SATL1: variants seen among roughly 807,000 people sequenced by gnomAD.
The protein encoded by SATL1 is spermidine/spermine N(1)-acetyltransferase-like protein 1.
SATL1 carries 47 observed loss-of-function variants against 51.8 expected under a neutral mutation model. The ratio of observed to expected loss-of-function variants is 0.91; its 90% confidence interval spans 0.72 to 1.16. SATL1 has a LOEUF of 1.16. SATL1 is among the 50% of genes most tolerant of loss of function. The pLI is 0.00. For missense variants in SATL1, 520 were observed against 526.4 expected (o/e 0.99, Z 0.12); for synonymous variants, 176 against 182.4 (o/e 0.97, Z 0.28).
At chrX:85,133,448 C>A (rs1925867232) in intron 2 of SATL1, among the ~76,000 whole-genome samples, 1 of 112,320 alleles carries the variant, frequency 8.9e-6, no homozygotes, top group Admixed American at 9.4e-5. Flanking sequence ...GGTGTGGGAC[C>A]CGCTGAGCCA....
At chrX:85,092,711 G>C in intron 7 of SATL1, 150 bp from the exon 8 acceptor site, 1 of 514,464 alleles carries the variant, frequency 1.9e-6, no homozygotes, top group Non-Finnish European at 3.0e-6. Context: ...CTTTTCTATA[G>C]CTGTAAAAAG....
At chrX:85,240,718 A>AT (rs1350670074) in intron 1 of SATL1, among the ~76,000 whole-genome samples, 1 of 110,075 alleles carries the variant, frequency 9.1e-6, no homozygotes, top group Non-Finnish European at 1.9e-5. Flanking sequence ...CAACTCATGA[A>AT]TTTTTATATA....
chrX:85,223,775 G>T (rs1471945764), intron 2 of SATL1, among the ~76,000 whole-genome samples: 2 of 111,603 alleles, frequency 1.8e-5, no homozygotes, highest in African/African-American at 6.5e-5. Flanking sequence ...TTACAGGCAG[G>T]AGCTTTCCAC....
chrX:85,181,755 C>G (rs1927208425), intron 2 of SATL1, among the ~76,000 whole-genome samples: 1 of 111,465 alleles, frequency 9.0e-6, no homozygotes. Flanking sequence ...GGAATGTGAG[C>G]CATCTCTGTC....
intron 1 of SATL1, among the ~76,000 whole-genome samples, chrX:85,236,226 T>C (rs766509078): frequency 3.6e-5 from 4 of 111,170 alleles, no homozygotes; most frequent in Non-Finnish European, 5.7e-5. Context: ...TGGGACCCTA[T>C]GGCTTCACTG....
chrX:85,096,560 A>G (rs1924727608), intron 4 of SATL1, among the ~76,000 whole-genome samples: 1 of 111,676 alleles, frequency 9.0e-6, no homozygotes, highest in Non-Finnish European at 1.9e-5. Flanking sequence ...AACAAACTCT[A>G]ACTAGGATAC....
In SATL1 at chrX:85,108,894, G is replaced by C. The variant is rs1293524489; in HGVS notation, c.75C>G (p.Asn25Lys). The C allele has an allele frequency of 1.7e-6, 2 of 1,209,744 alleles. No homozygotes were observed. Among genetic ancestry groups the C allele is most frequent in the Admixed American group, 4.4e-5 (2 of 45,730 alleles). The change falls in exon 3 of 8, where the codon AAC (asparagine) becomes AAG (lysine). Residue 25 changes from asparagine (N) to lysine (K), a missense_variant. Asn to Lys is a moderately conservative substitution (Grantham distance 94, BLOSUM62 0). Transcript: ENST00000644105. ...TGTCCATTTGGTTCATACCAAGTGA[G>C]TTTGTGCTTGGCTGGTTTATGCCTG... ...NQAGINQPST[N>K]SLGMNQMDMN...
intron 1 of SATL1, among the ~76,000 whole-genome samples, chrX:85,238,603 G>C (rs764621868): frequency 2.3e-4 from 26 of 111,195 alleles, no homozygotes; most frequent in Non-Finnish European, 3.4e-4. Flanking sequence ...ATAGTGAATG[G>C]GTACAAAAAA....
chrX:85,121,485 T>TAAA (rs1925507743), intron 2 of SATL1, among the ~76,000 whole-genome samples: 1 of 104,525 alleles, frequency 9.6e-6, no homozygotes, highest in Non-Finnish European at 1.9e-5. Flanking sequence ...GTATATCTAT[T>TAAA]TCTTGTTAGT....
intron 1 of SATL1, among the ~76,000 whole-genome samples, chrX:85,236,376 A>C: frequency 9.0e-6 from 1 of 111,605 alleles, no homozygotes; most frequent in East Asian, 2.8e-4. Flanking sequence ...CCAAAGACAT[A>C]TCAAAAAAGT....
chrX:85,233,810 A>C (rs1230717782), intron 1 of SATL1, among the ~76,000 whole-genome samples: 1 of 111,598 alleles, frequency 9.0e-6, no homozygotes, highest in African/African-American at 3.3e-5. Context: ...AGCCTCAATA[A>C]GGGCAAATCT....
chrX:85,119,209 A>G (rs1394497510), intron 2 of SATL1, among the ~76,000 whole-genome samples: 4 of 111,624 alleles, frequency 3.6e-5, no homozygotes, highest in Admixed American at 9.6e-5. Context: ...AGCTCCTGTC[A>G]CTGTTGTCCT....
At chrX:85,094,800 G>C in intron 5 of SATL1, 116 bp downstream of exon 5, 2 of 482,375 alleles carry the variant, frequency 4.1e-6, no homozygotes, top group Non-Finnish European at 7.1e-6. Flanking sequence ...TAAAAAAACT[G>C]GGTTTATACA....
intron 2 of SATL1, among the ~76,000 whole-genome samples, chrX:85,167,780 T>C (rs1433388311): frequency 9.0e-6 from 1 of 111,079 alleles, no homozygotes; most frequent in African/African-American, 3.3e-5. Context: ...ACTCATTCTA[T>C]GAGGCTAGCA....
At chrX:85,151,480 T>G (rs1229940775) in intron 2 of SATL1, among the ~76,000 whole-genome samples, 1 of 111,550 alleles carries the variant, frequency 9.0e-6, no homozygotes, top group South Asian at 3.8e-4. Context: ...AAAGTTCATA[T>G]GGAACCAAAA....
At chrX:85,221,891 T>G (rs756705106) in intron 2 of SATL1, among the ~76,000 whole-genome samples, 25 of 112,110 alleles carry the variant, frequency 2.2e-4, no homozygotes, top group Non-Finnish European at 3.8e-4. Flanking sequence ...TCTAACTGGC[T>G]CCTATCAGTC....
At chrX:85,191,810 T>A (rs1190598609) in intron 2 of SATL1, among the ~76,000 whole-genome samples, 1 of 111,687 alleles carries the variant, frequency 9.0e-6, no homozygotes, top group Non-Finnish European at 1.9e-5. Context: ...AGGTTGGTCT[T>A]GCTGTCTCAG....
chrX:85,208,187 A>T (rs1927829072), intron 2 of SATL1, among the ~76,000 whole-genome samples: 1 of 110,890 alleles, frequency 9.0e-6, no homozygotes, highest in Non-Finnish European at 1.9e-5. Context: ...TCTGCTCAGA[A>T]TGTTGGTTTC....
chrX:85,196,382 A>G (rs1423450779), intron 2 of SATL1, among the ~76,000 whole-genome samples: 1 of 111,943 alleles, frequency 8.9e-6, no homozygotes. Context: ...TAAGATGACA[A>G]TACTACCCAA....
Sources: gnomAD v4.1 joint callset for allele counts (sites outside exome capture counted in the v4.1 genomes callset) on GRCh38, gnomAD v4.1.1 for gene constraint, MANE v1.5 for transcripts, NCBI Gene and HGNC (gene_info 2026-07-23, HGNC 2026-07-21) for gene names.